Variants in FMNL1 observed in about 807,000 individuals in gnomAD.
The protein encoded by FMNL1 is formin like 1.
FMNL1 carries 43 observed loss-of-function variants against 121.3 expected under a neutral mutation model. That is an observed-to-expected ratio of 0.35 (90% CI 0.28 to 0.46). The LOEUF is 0.46. Among genes scored for constraint, FMNL1 ranks in the 20% least tolerant of loss-of-function variants. The pLI is 1.00. For missense variants in FMNL1, 1,191 were observed against 1,482.4 expected, an observed-to-expected ratio of 0.80 and a Z score of 3.23; for synonymous variants, 613 against 613.5, an observed-to-expected ratio of 1.00 and a Z score of 0.01.
Position 45,238,065 on chromosome 17 carries a change from T to C in FMNL1, c.894+426T>C, listed in dbSNP as rs946950808. ...GAATATTTATTGAGTGCCTACTATG[T>C]GTCAGGAACAGGGCACTTGGGCACA... On this transcript the variant is annotated intron_variant, in intron 9 of 26. Transcript: ENST00000331495. 4 of 200,444 alleles carry C rather than the reference T, an allele frequency of 2.0e-5. No individual in the cohort carries two copies. In the Admixed American group the frequency reaches 2.1e-4, roughly 11 times the overall value. The allele number at this position is 200,444 out of a possible 1,614,324, so 12.4% of individuals were successfully genotyped here. A position where few individuals can be genotyped will look rare whatever the true frequency, so the allele number is the denominator to read the frequency against.
intron 6 of FMNL1, among the ~76,000 whole-genome samples, chr17:45,235,090 C>G (rs61255676): frequency 0.015 from 2,357 of 152,370 alleles, 58 homozygotes; most frequent in African/African-American, 0.053. Context: ...AAGCCTCAAA[C>G]TTTCACAATA....
chr17:45,233,536 G>A lies in FMNL1; in HGVS notation c.402-112G>A. 8.1e-7 allele frequency: 1 copy of A among 1,230,614 alleles called. No homozygotes were observed. The highest frequency in any genetic ancestry group is 1.2e-6 in the Non-Finnish European group (1 of 863,738). 76.2% of individuals were successfully genotyped at this position (1,230,614 alleles called of 1,614,324 possible). A position where few individuals can be genotyped will look rare whatever the true frequency, so the allele number is the denominator to read the frequency against. Reference sequence around the variant, plus strand: ...TCTCCCAGAATCCTTTGGTATCATTGGGTCTTTGGGGGTTGAAAGGGCACC... The same window carrying A: ...TCTCCCAGAATCCTTTGGTATCATTAGGTCTTTGGGGGTTGAAAGGGCACC... On this transcript the variant is annotated intron_variant, in intron 4 of 26. Transcript: ENST00000331495. This position sits in a 1 kb window ranked among gnomAD's most constrained non-coding sequence, Gnocchi z 4.1.
chr17:45,225,830 G>C (rs2043318950), intron 1 of FMNL1, among the ~76,000 whole-genome samples: 1 of 152,134 alleles, frequency 6.6e-6, no homozygotes, highest in Admixed American at 6.5e-5. Context: ...CTGAGCTGTA[G>C]TTTCCCTCAC....
chr17:45,236,899 GT>G (rs1413640258), intron 7 of FMNL1, among the ~76,000 whole-genome samples: 1 of 152,172 alleles, frequency 6.6e-6, no homozygotes, highest in African/African-American at 2.4e-5. Flanking sequence ...ATCACCTGAG[GT>G]CAGGAGTTTG....
rs775728093 is a variant in FMNL1, at chr17:45,241,063, C to T, written c.1231-66C>T. 5.5e-5 allele frequency: 88 copies of T among 1,587,544 alleles called. No individual in the cohort carries two copies. The highest frequency in any genetic ancestry group is 2.1e-4 in the Middle Eastern group (1 of 4,814). On this transcript the variant is annotated intron_variant, in intron 12 of 26. Coordinates refer to ENST00000331495, the MANE Select transcript of FMNL1 (RefSeq NM_005892.4). The surrounding 1 kb of genome is among the most constrained non-coding windows in gnomAD (Gnocchi z 7.0). ...TCTTCCAGGCAGGCATGCCTGATGC[C>T]GCCCCCTCACCGGCGGTGCCAGTGC...
intron 25 of FMNL1, 42 bp from the exon 26 acceptor site, chr17:45,246,463 T>C (rs758664806): frequency 4.5e-5 from 73 of 1,613,712 alleles, no homozygotes; most frequent in Non-Finnish European, 6.0e-5. Context: ...TCTTTCCTTT[T>C]TCCTTTCTCT....
chr17:45,241,757 C>T lies in FMNL1; in HGVS notation c.1586-90C>T. The T allele has an allele frequency of 7.0e-7, 1 of 1,426,466 alleles. No individual in the cohort carries two copies. Among genetic ancestry groups the T allele is most frequent in the Non-Finnish European group, 9.1e-7 (1 of 1,094,452 alleles). 88.4% of individuals were successfully genotyped at this position (1,426,466 alleles called of 1,614,324 possible). Reference sequence around the variant, plus strand: ...ATTGTAGGCTCGGCTCAGGTAGGAGCGCATGCGTAGAGCGGAGAGGCGGAG... The same window carrying T: ...ATTGTAGGCTCGGCTCAGGTAGGAGTGCATGCGTAGAGCGGAGAGGCGGAG... On this transcript the variant is annotated intron_variant, in intron 14 of 26. Coordinates refer to ENST00000331495, the MANE Select transcript of FMNL1 (RefSeq NM_005892.4). This position sits in a 1 kb window ranked among gnomAD's most constrained non-coding sequence, Gnocchi z 7.0.
chr17:45,242,015 C>T lies in FMNL1; in HGVS notation c.1754C>T (p.Pro585Leu), dbSNP rs903398118. ...GCGCCGCCGCTGCCCGGAGACCTGC[C>T]GCCCCCACCCCCGCCACCGCCACCA... Reference protein sequence around the residue: ...PPAPPLPGDLPPPPPPPPPPP... With the variant: ...PPAPPLPGDLLPPPPPPPPPP... Residue 585 changes from proline to leucine, a missense_variant, in exon 15 of 27, where the codon CCG becomes CTG. Pro to Leu is a moderately conservative substitution (Grantham distance 98). Around this residue, in one of 4 missense-constraint regions of FMNL1, gnomAD observed 519 missense variants for 492.8 expected, o/e 1.05. Coordinates refer to ENST00000331495, the MANE Select transcript of FMNL1 (RefSeq NM_005892.4). The T allele has an allele frequency of 2.0e-5, 27 of 1,335,308 alleles. No homozygotes were observed. Among genetic ancestry groups the T allele is most frequent in the Non-Finnish European group, 2.2e-5 (23 of 1,044,004 alleles). The allele number at this position is 1,335,308 out of a possible 1,614,324, so 82.7% of individuals were successfully genotyped here.
At chr17:45,232,807 G>A in intron 3 of FMNL1, 1 of 577,600 alleles carries the variant, frequency 1.7e-6, no homozygotes. Context: ...GGATGTGTGT[G>A]TGTACCATTG....
chr17:45,228,230 G>A (rs536576733), intron 1 of FMNL1, among the ~76,000 whole-genome samples: 3 of 152,324 alleles, frequency 2.0e-5, no homozygotes, highest in South Asian at 2.1e-4. Flanking sequence ...ATTAGTGTTC[G>A]GCGCTGTCAG....
intron 16 of FMNL1, 118 bp downstream of exon 16, chr17:45,242,583 G>A (rs1182298107): frequency 6.9e-7 from 1 of 1,445,044 alleles, no homozygotes; most frequent in Non-Finnish European, 9.2e-7. Flanking sequence ...TGAGGAGGGG[G>A]AGGCCCAGGG....
At position 45,242,370 on chromosome 17, in the gene FMNL1, A is replaced by C. The variant is rs770151475; in HGVS notation, c.1915A>C (p.Lys639Gln). 1 of 1,614,058 alleles carries C rather than the reference A, an allele frequency of 6.2e-7. No individual in the cohort carries two copies. Among genetic ancestry groups the C allele is most frequent in the Non-Finnish European group, 8.5e-7 (1 of 1,179,918 alleles). The change falls in exon 16 of 27, where the codon AAG becomes CAG. Residue 639 changes from lysine (K) to glutamine (Q), a missense_variant. This residue lies in a region of FMNL1 where 519 missense variants were observed against 492.8 expected (regional missense o/e 1.05). Coordinates refer to ENST00000331495, the MANE Select transcript of FMNL1 (RefSeq NM_005892.4). ...GVKAKKPIQTKFRMPLLNWVA... is the reference protein window; with the variant it reads ...GVKAKKPIQTQFRMPLLNWVA... ...GAAGGCCAAGAAGCCCATCCAGACT[A>C]AGTTCCGAATGCCACTCTTGAACTG...
At position 45,231,059 on chromosome 17, in the gene FMNL1, C is replaced by T. The variant is rs2043426369; in HGVS notation, c.213+372C>T. ...CCTGGGGTTGGACATCTTCACCTGA[C>T]CCCATGGGAGGGAGGGAGGAAGGGG... On this transcript the variant is annotated intron_variant, in intron 2 of 26. Transcript: ENST00000331495. This position sits in a 1 kb window ranked among gnomAD's most constrained non-coding sequence, Gnocchi z 4.7. Among the ~76,000 whole-genome samples the T allele has an allele frequency of 6.6e-6, 1 of 152,140 alleles. No homozygotes were observed. Among genetic ancestry groups the T allele is most frequent in the South Asian group, 2.1e-4 (1 of 4,820 alleles).
chr17:45,238,792 T>G (rs1342070184), intron 10 of FMNL1, 154 bp downstream of exon 10: 5 of 1,115,478 alleles, frequency 4.5e-6, no homozygotes, highest in Non-Finnish European at 6.6e-6. Flanking sequence ...GGCAGGGGGC[T>G]GGATTGAGGG....
At chr17:45,240,389 T>A in intron 11 of FMNL1, 87 bp from the exon 12 acceptor site, 1 of 1,430,604 alleles carries the variant, frequency 7.0e-7, no homozygotes, top group East Asian at 2.4e-5. Context: ...TTCCTCTGGA[T>A]GGCAGTGGTG....
intron 1 of FMNL1, among the ~76,000 whole-genome samples, chr17:45,222,920 C>T (rs559341076): frequency 3.3e-5 from 5 of 152,164 alleles, no homozygotes; most frequent in Non-Finnish European, 5.9e-5. Flanking sequence ...GAACCACCCC[C>T]CTCTGTGCCT....
intron 1 of FMNL1, among the ~76,000 whole-genome samples, chr17:45,224,796 G>C (rs2043299556): frequency 6.6e-6 from 1 of 152,234 alleles, no homozygotes. Flanking sequence ...GGTTGAGCCA[G>C]GGTTTCCGGC....
chr17:45,227,996 C>T (rs923170374), intron 1 of FMNL1, among the ~76,000 whole-genome samples: 1 of 152,256 alleles, frequency 6.6e-6, no homozygotes, highest in East Asian at 1.9e-4. Flanking sequence ...GACTGCCAGC[C>T]CCTCCCCTCC....
chr17:45,242,357 G>A lies in FMNL1; in HGVS notation c.1902G>A (p.Lys634=), dbSNP rs371939015. 2.3e-5 allele frequency: 37 copies of A among 1,614,024 alleles called. No homozygotes were observed. The African/African-American group carries it at 3.6e-4, about 16-fold the overall frequency. The change falls in exon 16 of 27, where the codon AAG becomes AAA. Residue 634 remains lysine, a synonymous_variant. Transcript: ENST00000331495. ...CCGTCCCAGGAGTGAAGGCCAAGAAGCCCATCCAGACTAAGTTCCGAATGC... is the reference window on the plus strand; with the variant it reads ...CCGTCCCAGGAGTGAAGGCCAAGAAACCCATCCAGACTAAGTTCCGAATGC... ...SELGPGVKAK[K]PIQTKFRMPL...
Sources: allele counts gnomAD v4.1 joint callset (sites outside exome capture counted in the v4.1 genomes callset), GRCh38; gene constraint gnomAD v4.1.1; regional missense constraint gnomAD v4.1.1; non-coding constraint Gnocchi (gnomAD v3.1); transcripts MANE v1.5; gene names NCBI Gene and HGNC (gene_info 2026-07-23, HGNC 2026-07-21).